The following ESRRG variants were observed in gnomAD, a reference collection of about 807,000 sequenced individuals.
ESRRG encodes the protein estrogen related receptor gamma.
Under a neutral mutation model 44.0 loss-of-function variants are expected in ESRRG, and 13 were observed. That is an observed-to-expected ratio of 0.30 (90% CI 0.19 to 0.47). The LOEUF is 0.47. Among genes scored for constraint, ESRRG ranks in the 20% least tolerant of loss-of-function variants. The probability of loss-of-function intolerance (pLI) is 1.00; values close to 1 mark genes in which losing one functional copy is unlikely to be tolerated. For missense variants in ESRRG, 395 were observed against 580.6 expected (o/e 0.68, Z 3.29); for synonymous variants, 215 against 214.6 (o/e 1.00, Z -0.02).
chr1:216,795,054 G>A (rs1470940246), intron 2 of ESRRG, among the ~76,000 whole-genome samples: 1 of 152,026 alleles, frequency 6.6e-6, no homozygotes, highest in East Asian at 1.9e-4. Flanking sequence ...GAATGGGGTG[G>A]TACAAAAAAG....
intron 1 of ESRRG, among the ~76,000 whole-genome samples, chr1:216,973,338 G>T (rs1215913434): frequency 6.6e-6 from 1 of 152,092 alleles, no homozygotes; most frequent in Non-Finnish European, 1.5e-5. Flanking sequence ...CTTCAGCCCA[G>T]TCCTTCTGCT....
Position 216,547,543 on chromosome 1 carries a change from C to G in ESRRG, c.862+16676G>C, listed in dbSNP as rs114932710. Among the ~76,000 whole-genome samples the G allele has an allele frequency of 1.8e-3, 272 of 152,172 alleles. 2 individuals carry two copies. The highest frequency in any genetic ancestry group is 6.2e-3 in the African/African-American group (256 of 41,518). On this transcript the variant is annotated intron_variant, in intron 5 of 6. Coordinates refer to ENST00000408911, the MANE Select transcript of ESRRG (RefSeq NM_001438.4). ...CACACATTTAATGGGGCTGCACATA[C>G]ACGTCTGCTGACATCACCCTGTCAA...
At chr1:216,957,745 G>A (rs985304425) in intron 1 of ESRRG, among the ~76,000 whole-genome samples, 5 of 152,142 alleles carry the variant, frequency 3.3e-5, no homozygotes, top group Non-Finnish European at 5.9e-5. Flanking sequence ...CTATAGGCAA[G>A]CCACAGTGAC....
At chr1:217,127,360 G>A (rs1234866297) in intron 1 of ESRRG, among the ~76,000 whole-genome samples, 4 of 152,180 alleles carry the variant, frequency 2.6e-5, no homozygotes, top group Non-Finnish European at 4.4e-5. Context: ...AGGTAAACAG[G>A]TGAATAAATC....
At chr1:216,650,687 T>C (rs891125499) in intron 3 of ESRRG, among the ~76,000 whole-genome samples, 1 of 152,106 alleles carries the variant, frequency 6.6e-6, no homozygotes, top group South Asian at 2.1e-4. Flanking sequence ...TTTGTCTTCA[T>C]CCTTTGCTTT....
At chr1:217,135,468 G>A (rs2093035842) in intron 1 of ESRRG, among the ~76,000 whole-genome samples, 1 of 152,104 alleles carries the variant, frequency 6.6e-6, no homozygotes, top group African/African-American at 2.4e-5. Flanking sequence ...GAGAAAGCGT[G>A]TGGAGCTGGA....
At chr1:216,518,058 G>A (rs746246474) in intron 6 of ESRRG, among the ~76,000 whole-genome samples, 5 of 152,062 alleles carry the variant, frequency 3.3e-5, no homozygotes, top group Non-Finnish European at 7.4e-5. Flanking sequence ...GGCTCTCATG[G>A]GGGCAATTTG....
chr1:216,968,769 A>C (rs2071010285), intron 1 of ESRRG, among the ~76,000 whole-genome samples: 2 of 151,646 alleles, frequency 1.3e-5, no homozygotes, highest in Non-Finnish European at 2.9e-5. Flanking sequence ...ACTTGCTGAA[A>C]TTTTGATTGG....
At chr1:216,607,939 A>G (rs1312632745) in intron 3 of ESRRG, among the ~76,000 whole-genome samples, 1 of 152,222 alleles carries the variant, frequency 6.6e-6, no homozygotes, top group Non-Finnish European at 1.5e-5. Context: ...CTAGATCACA[A>G]TTTTACTCTG....
At chr1:216,863,812 C>G (rs904202689) in intron 2 of ESRRG, 1 of 152,144 alleles carries the variant, frequency 6.6e-6, no homozygotes, top group Admixed American at 6.5e-5. Context: ...TACCTATTTG[C>G]AGAACTTTCC....
intron 2 of ESRRG, among the ~76,000 whole-genome samples, chr1:216,912,319 G>A (rs2060574679): frequency 7.3e-6 from 1 of 137,894 alleles, no homozygotes; most frequent in African/African-American, 2.7e-5. Flanking sequence ...AAGGACAGAA[G>A]GAAGGAAGGA....
intron 1 of ESRRG, among the ~76,000 whole-genome samples, chr1:217,019,639 T>C (rs1257390629): frequency 1.3e-5 from 2 of 152,234 alleles, no homozygotes; most frequent in African/African-American, 4.8e-5. Flanking sequence ...TAATTAAAGA[T>C]ACTTTATGTA....
intron 1 of ESRRG, among the ~76,000 whole-genome samples, chr1:217,114,747 C>G (rs897381235): frequency 2.0e-5 from 3 of 149,892 alleles, no homozygotes; most frequent in African/African-American, 7.4e-5. Context: ...ATCTCTGCCC[C>G]CTGGGTTCAA....
At chr1:216,810,032 A>T (rs993813391) in intron 2 of ESRRG, among the ~76,000 whole-genome samples, 1 of 152,174 alleles carries the variant, frequency 6.6e-6, no homozygotes, top group African/African-American at 2.4e-5. Flanking sequence ...AAAAAAGGAC[A>T]GTTCAGTTCA....
intron 1 of ESRRG, among the ~76,000 whole-genome samples, chr1:217,073,174 C>A (rs932889406): frequency 2.4e-4 from 30 of 123,212 alleles, no homozygotes; most frequent in African/African-American, 5.8e-4. Flanking sequence ...TCTGCTGGCA[C>A]CTTGTCTTCA....
At chr1:216,779,177 T>TTATATAAATATATATTTATATTTATAAA (rs1559601883) in intron 2 of ESRRG, among the ~76,000 whole-genome samples, 3 of 38,744 alleles carry the variant, frequency 7.7e-5, no homozygotes, top group African/African-American at 2.4e-4. Context: ...ATATATATAA[T>TTATATAAATATATATTTATATTTATAAA]TATATAAATA....
intron 6 of ESRRG, among the ~76,000 whole-genome samples, chr1:216,508,833 T>G (rs1163611353): frequency 6.6e-6 from 1 of 152,160 alleles, no homozygotes; most frequent in East Asian, 1.9e-4. Context: ...GGTGAGTCTC[T>G]AGATACACAA....
intron 4 of ESRRG, among the ~76,000 whole-genome samples, chr1:216,567,652 GA>G (rs923551757): frequency 2.0e-5 from 3 of 152,082 alleles, no homozygotes; most frequent in African/African-American, 7.2e-5. Context: ...ATCACAGTAT[GA>G]TCCATTTTAT....
chr1:216,730,045 C>T (rs1402255213), intron 2 of ESRRG, among the ~76,000 whole-genome samples: 1 of 152,022 alleles, frequency 6.6e-6, no homozygotes, highest in Non-Finnish European at 1.5e-5. Flanking sequence ...AGAGCCTTAA[C>T]CCAGGTTACA....
Sources: allele counts gnomAD v4.1 joint callset (sites outside exome capture counted in the v4.1 genomes callset), GRCh38; gene constraint gnomAD v4.1.1; transcripts MANE v1.5; gene names NCBI Gene and HGNC (gene_info 2026-07-23, HGNC 2026-07-21).